The following IP6K3 variants were observed in gnomAD, a reference collection of about 807,000 sequenced individuals.
The protein encoded by IP6K3 is inositol hexakisphosphate kinase 3.
IP6K3 carries 20 observed loss-of-function variants against 28.8 expected under a neutral mutation model. That is an observed-to-expected ratio of 0.70 (90% CI 0.49 to 1.01). IP6K3 has a LOEUF of 1.01. IP6K3 is among the 50% of genes least tolerant of loss of function. The pLI, the probability that IP6K3 is intolerant of heterozygous loss-of-function variation, is 0.00. For missense variants in IP6K3, 480 were observed against 537.1 expected (o/e 0.89, Z 1.05); for synonymous variants, 213 against 221.3 (o/e 0.96, Z 0.33).
chr6:33,725,335 G>T, intron 5 of IP6K3, 106 bp downstream of exon 5: 1 of 1,188,868 alleles, frequency 8.4e-7, no homozygotes, highest in Non-Finnish European at 1.1e-6. Context: ...CTCCTCCAGA[G>T]TGAAGGGCTC....
the IP6K3 span, among the ~76,000 whole-genome samples, chr6:33,754,497 T>C: frequency 1.1e-4 from 17 of 152,236 alleles, no homozygotes; most frequent in African/African-American, 3.4e-4. Context: ...TGGCAGAAAA[T>C]GAAGTTGGTT....
chr6:33,759,222 A>C, the IP6K3 span, among the ~76,000 whole-genome samples: 1 of 152,296 alleles, frequency 6.6e-6, no homozygotes, highest in Non-Finnish European at 1.5e-5. Flanking sequence ...GAAGGGACAG[A>C]TGTTCTTTCT....
Position 33,744,263 on chromosome 6 carries a change from C to T in IP6K3, c.-180+2495G>A, listed in dbSNP as rs1439653490. 2.0e-5 allele frequency among the ~76,000 whole-genome samples: 3 copies of T among 152,216 alleles called. No individual in the cohort carries two copies. The highest frequency in any genetic ancestry group is 6.5e-5 in the Admixed American group (1 of 15,280). On this transcript the variant is annotated intron_variant, in intron 1 of 5. Transcript: ENST00000293756. This position sits in a 1 kb window ranked among gnomAD's most constrained non-coding sequence, Gnocchi z 4.4. ...TTTTGGATATTGCTAAACACCCAGACCTGCCTACACATTTCCCAGCCTCCA... is the reference window on the plus strand; with the variant it reads ...TTTTGGATATTGCTAAACACCCAGATCTGCCTACACATTTCCCAGCCTCCA...
At position 33,742,620 on chromosome 6, in the gene IP6K3, G is replaced by A. The variant is rs188576587; in HGVS notation, c.-180+4138C>T. On this transcript the variant is annotated intron_variant, in intron 1 of 5. Transcript: ENST00000293756. This position sits in a 1 kb window ranked among gnomAD's most constrained non-coding sequence, Gnocchi z 4.5. ...TAGGAAAGTAATCCCCTAGAGGCAC[G>A]ATAATTCTCAAATGTATGTAAATAT... Among the ~76,000 whole-genome samples the A allele has an allele frequency of 1.3e-5, 2 of 152,280 alleles. No individual in the cohort carries two copies. Among genetic ancestry groups the A allele is most frequent in the East Asian group, 1.9e-4 (1 of 5,174 alleles).
Position 33,722,617 on chromosome 6 carries a change from A to G in IP6K3, c.*103T>C. 1.4e-6 allele frequency: 1 copy of G among 736,782 alleles called. No homozygotes were observed. Among genetic ancestry groups the G allele is most frequent in the Non-Finnish European group, 2.3e-6 (1 of 428,036 alleles). 45.6% of individuals were successfully genotyped at this position (736,782 alleles called of 1,614,324 possible). A position where few individuals can be genotyped will look rare whatever the true frequency, so the allele number is the denominator to read the frequency against. ...GAGATGGTTTTTGAAGGTAGATAGG[A>G]CTATTATGAAGACATCTAAGGGGTG... is the stretch of plus-strand genomic sequence containing the variant. On this transcript the variant is annotated 3_prime_UTR_variant, in exon 6 of 6. Transcript: ENST00000293756.
chr6:33,752,193 C>G, the IP6K3 span, among the ~76,000 whole-genome samples: 4 of 152,254 alleles, frequency 2.6e-5, no homozygotes, highest in Non-Finnish European at 5.9e-5. Flanking sequence ...ATACTCCACC[C>G]CGTGTCTCCT....
chr6:33,755,727 C>T, the IP6K3 span, among the ~76,000 whole-genome samples: 1 of 152,256 alleles, frequency 6.6e-6, no homozygotes, highest in Admixed American at 6.5e-5. Context: ...GCCACATCTA[C>T]TCATTCCGCA....
At chr6:33,752,871 A>G in the IP6K3 span, among the ~76,000 whole-genome samples, 2 of 152,260 alleles carry the variant, frequency 1.3e-5, no homozygotes, top group African/African-American at 2.4e-5. Context: ...TTTCCATGAT[A>G]TAATGCAAGT....
the IP6K3 span, among the ~76,000 whole-genome samples, chr6:33,760,388 C>A: frequency 6.6e-6 from 1 of 152,176 alleles, no homozygotes; most frequent in Non-Finnish European, 1.5e-5. Context: ...CTCATATGCA[C>A]GTGTGTGCAC....
At chr6:33,760,474 T>C in the IP6K3 span, among the ~76,000 whole-genome samples, 1 of 151,152 alleles carries the variant, frequency 6.6e-6, no homozygotes, top group African/African-American at 2.5e-5. Flanking sequence ...GGCGTGAGTC[T>C]GTTCACTCCC....
chr6:33,748,658 A>AAG (rs1766976363), upstream of IP6K3, among the ~76,000 whole-genome samples: 1 of 141,204 alleles, frequency 7.1e-6, no homozygotes. Context: ...AAAAAAAAAA[A>AAG]AAAAAAAAAG....
At position 33,744,094 on chromosome 6, in the gene IP6K3, G is replaced by C. The variant is rs1354591013; in HGVS notation, c.-180+2664C>G. ...GGCTGCTCTGGGGGAGGCAGAGGCT[G>C]CGAGGGCTTCTCCCTCTTGGCCCCC... On this transcript the variant is annotated intron_variant, in intron 1 of 5. Transcript: ENST00000293756. This position sits in a 1 kb window ranked among gnomAD's most constrained non-coding sequence, Gnocchi z 4.4. Among the ~76,000 whole-genome samples, 2 of 152,174 alleles carry C rather than the reference G, an allele frequency of 1.3e-5. No homozygotes were observed. Among genetic ancestry groups the C allele is most frequent in the African/African-American group, 4.8e-5 (2 of 41,424 alleles).
At chr6:33,761,240 C>T in the IP6K3 span, among the ~76,000 whole-genome samples, 1 of 152,058 alleles carries the variant, frequency 6.6e-6, no homozygotes, top group Admixed American at 6.5e-5. Flanking sequence ...AGGTGGGGGA[C>T]ATCAGCTTCC....
upstream of IP6K3, among the ~76,000 whole-genome samples, chr6:33,750,067 C>T (rs561187888): frequency 6.6e-6 from 1 of 152,310 alleles, no homozygotes; most frequent in Non-Finnish European, 1.5e-5. This position sits in a 1 kb window ranked among gnomAD's most constrained non-coding sequence, Gnocchi z 4.3. Flanking sequence ...GAGGACTTCC[C>T]ACTTCACTGC....
At chr6:33,727,659 T>TCC (rs940910200) in intron 3 of IP6K3, among the ~76,000 whole-genome samples, 2 of 152,116 alleles carry the variant, frequency 1.3e-5, no homozygotes, top group Non-Finnish European at 2.9e-5. Flanking sequence ...CACATTGACC[T>TCC]CCCTCCTGGC....
At chr6:33,761,825 T>C in the IP6K3 span, among the ~76,000 whole-genome samples, 1 of 152,090 alleles carries the variant, frequency 6.6e-6, no homozygotes, top group Non-Finnish European at 1.5e-5. Flanking sequence ...GTTGCATCCC[T>C]GGCCTTCCCA....
upstream of IP6K3, among the ~76,000 whole-genome samples, chr6:33,747,985 A>G (rs943915121): frequency 1.3e-5 from 2 of 152,122 alleles, no homozygotes; most frequent in African/African-American, 4.8e-5. The surrounding 1 kb of genome is among the most constrained non-coding windows in gnomAD (Gnocchi z 5.2). Flanking sequence ...GACAGGGTTC[A>G]TCAGGGGACA....
intron 1 of IP6K3, among the ~76,000 whole-genome samples, chr6:33,740,370 A>G (rs1418541110): frequency 6.6e-6 from 1 of 152,100 alleles, no homozygotes; most frequent in Non-Finnish European, 1.5e-5. Context: ...GCTGGGCCTC[A>G]CTCCAGGAGA....
chr6:33,755,195 AC>A, the IP6K3 span, among the ~76,000 whole-genome samples: 1 of 152,180 alleles, frequency 6.6e-6, no homozygotes, highest in Non-Finnish European at 1.5e-5. Flanking sequence ...AACTGCCTGC[AC>A]CCCTGGACAA....
Sources: gnomAD v4.1 joint callset for allele counts (sites outside exome capture counted in the v4.1 genomes callset) on GRCh38, gnomAD v4.1.1 for gene constraint, Gnocchi (gnomAD v3.1) non-coding constraint, MANE v1.5 for transcripts, NCBI Gene and HGNC (gene_info 2026-07-23, HGNC 2026-07-21) for gene names.